Variants in ADAMTSL3 observed in about 807,000 individuals in gnomAD.
ADAMTSL3 encodes the protein ADAMTS-like protein 3.
In ADAMTSL3, 128 loss-of-function variants were observed where a neutral mutation model predicts 201.7. The observed-to-expected ratio is 0.63, with a 90% CI of 0.55 to 0.73. The LOEUF is 0.73. ADAMTSL3 is among the 30% of genes least tolerant of loss of function. ADAMTSL3 has a pLI of 0.00. For synonymous variants in ADAMTSL3, 738 were observed against 748.4 expected (o/e 0.99, Z 0.23); for missense variants, 1,990 against 2,119.6 (o/e 0.94, Z 1.20).
chr15:83,768,809 G>A (rs1418219270), intron 3 of ADAMTSL3, among the ~76,000 whole-genome samples: 1 of 152,206 alleles, frequency 6.6e-6, no homozygotes, highest in African/African-American at 2.4e-5. Flanking sequence ...AGGATGAAAG[G>A]GAAGAGAGCA....
intron 9 of ADAMTSL3, among the ~76,000 whole-genome samples, chr15:83,881,344 A>T (rs1596349746): frequency 6.6e-6 from 1 of 152,128 alleles, no homozygotes; most frequent in Non-Finnish European, 1.5e-5. Flanking sequence ...CTTGAGCTCT[A>T]GTGTTCGCTT....
chr15:83,896,860 C>T (rs910942667), intron 13 of ADAMTSL3, among the ~76,000 whole-genome samples: 1 of 152,114 alleles, frequency 6.6e-6, no homozygotes, highest in African/African-American at 2.4e-5. Flanking sequence ...CCTCAGGAAA[C>T]TTACAGTGAT....
intron 19 of ADAMTSL3, among the ~76,000 whole-genome samples, chr15:83,966,537 T>C (rs1289413749): frequency 1.3e-5 from 2 of 152,150 alleles, no homozygotes; most frequent in Non-Finnish European, 2.9e-5. Context: ...CAGTAATTAA[T>C]AGCCTACCAA....
chr15:83,937,115 G>T (rs1460523362), intron 17 of ADAMTSL3, among the ~76,000 whole-genome samples: 1 of 150,710 alleles, frequency 6.6e-6, no homozygotes, highest in Non-Finnish European at 1.5e-5. Flanking sequence ...ATTTCTCAAA[G>T]AACTTAAAAA....
At chr15:83,878,885 T>G (rs1251582209) in intron 9 of ADAMTSL3, among the ~76,000 whole-genome samples, 1 of 151,480 alleles carries the variant, frequency 6.6e-6, no homozygotes, top group East Asian at 1.9e-4. Flanking sequence ...GTTTGATGCC[T>G]TTTTTTTTCT....
intron 8 of ADAMTSL3, among the ~76,000 whole-genome samples, chr15:83,860,313 C>A (rs1246846307): frequency 6.6e-6 from 1 of 152,210 alleles, no homozygotes; most frequent in South Asian, 2.1e-4. Context: ...AAATACAAAA[C>A]CTTATCAGTG....
At chr15:83,924,140 G>A (rs2066205256) in intron 17 of ADAMTSL3, 107 bp downstream of exon 17, 5 of 1,395,290 alleles carry the variant, frequency 3.6e-6, no homozygotes, top group South Asian at 2.9e-5. Flanking sequence ...CAAGGTAGAT[G>A]TGCTAAGCCT....
intron 21 of ADAMTSL3, among the ~76,000 whole-genome samples, chr15:83,986,303 A>G (rs764908429): frequency 9.9e-5 from 15 of 152,158 alleles, no homozygotes; most frequent in African/African-American, 1.7e-4. Context: ...ACAATGATAT[A>G]GAGGAGCCTG....
intron 3 of ADAMTSL3, among the ~76,000 whole-genome samples, chr15:83,732,859 A>G (rs1395961480): frequency 6.6e-6 from 1 of 152,118 alleles, no homozygotes; most frequent in Non-Finnish European, 1.5e-5. Context: ...AGCTTAGGAT[A>G]TGGTGTCATT....
intron 5 of ADAMTSL3, among the ~76,000 whole-genome samples, chr15:83,808,914 C>CAA (rs1452507910): frequency 7.9e-6 from 1 of 126,776 alleles, no homozygotes; most frequent in African/African-American, 3.5e-5. Flanking sequence ...TACGTGGAAT[C>CAA]CAAAAAAAAA....
At chr15:83,800,437 A>G (rs2063499070) in intron 4 of ADAMTSL3, among the ~76,000 whole-genome samples, 1 of 152,118 alleles carries the variant, frequency 6.6e-6, no homozygotes, top group Non-Finnish European at 1.5e-5. Flanking sequence ...GCAGGTGGCA[A>G]TGGAGTGTAG....
intron 4 of ADAMTSL3, among the ~76,000 whole-genome samples, chr15:83,776,310 A>C (rs1282168884): frequency 6.6e-6 from 1 of 152,190 alleles, no homozygotes; most frequent in Non-Finnish European, 1.5e-5. Context: ...AATTCCCTTG[A>C]TGTGGGTAAG....
chr15:83,901,467 T>C (rs1354729263), intron 15 of ADAMTSL3, among the ~76,000 whole-genome samples: 1 of 152,110 alleles, frequency 6.6e-6, no homozygotes, highest in Non-Finnish European at 1.5e-5. Context: ...CAAGAAAGGC[T>C]TTTTCAGTGA....
chr15:83,924,094 G>C, intron 17 of ADAMTSL3, 61 bp downstream of exon 17: 1 of 1,588,772 alleles, frequency 6.3e-7, no homozygotes, highest in South Asian at 1.1e-5. Flanking sequence ...CCTCCCTGCA[G>C]AGAAACCCAC....
chr15:83,957,095 G>C (rs1267927115), intron 19 of ADAMTSL3, among the ~76,000 whole-genome samples: 1 of 152,196 alleles, frequency 6.6e-6, no homozygotes, highest in Non-Finnish European at 1.5e-5. Context: ...TGGGTCACTG[G>C]AAAGTGTTGC....
intron 4 of ADAMTSL3, among the ~76,000 whole-genome samples, chr15:83,793,837 A>G (rs1385325619): frequency 6.6e-6 from 1 of 152,196 alleles, no homozygotes; most frequent in Non-Finnish European, 1.5e-5. Flanking sequence ...GATTTACTAT[A>G]TGGCTGCAGT....
At chr15:83,810,307 A>C (rs1003715092) in intron 5 of ADAMTSL3, among the ~76,000 whole-genome samples, 5 of 152,216 alleles carry the variant, frequency 3.3e-5, no homozygotes, top group African/African-American at 1.2e-4. Flanking sequence ...TTCATTGTGA[A>C]TGCTGGAAGT....
intron 8 of ADAMTSL3, among the ~76,000 whole-genome samples, chr15:83,860,661 A>G (rs1055761024): frequency 4.6e-5 from 7 of 152,212 alleles, no homozygotes; most frequent in African/African-American, 1.7e-4. Flanking sequence ...TAAGCAATAA[A>G]TAGAATAAGT....
chr15:83,764,165 A>G (rs955682697), intron 3 of ADAMTSL3, among the ~76,000 whole-genome samples: 1 of 152,084 alleles, frequency 6.6e-6, no homozygotes, highest in African/African-American at 2.4e-5. Context: ...ACACTGGTAA[A>G]TCTAGTCTAG....
Sources: gnomAD v4.1 joint callset for allele counts (sites outside exome capture counted in the v4.1 genomes callset) on GRCh38, gnomAD v4.1.1 for gene constraint, MANE v1.5 for transcripts, NCBI Gene and HGNC (gene_info 2026-07-23, HGNC 2026-07-21) for gene names.